The following MYO9A variants were observed in gnomAD, a reference collection of about 807,000 sequenced individuals.
MYO9A encodes unconventional myosin-IXa.
In MYO9A, 103 loss-of-function variants were observed where a neutral mutation model predicts 293.3. The observed-to-expected ratio is 0.35, with a 90% CI of 0.30 to 0.41. The LOEUF is 0.41. MYO9A is among the 10% of genes least tolerant of loss of function. The pLI, the probability that MYO9A is intolerant of heterozygous loss-of-function variation, is 1.00. For missense variants in MYO9A, 2,685 were observed against 3,033.0 expected (o/e 0.89, Z 2.69); for synonymous variants, 1,001 against 1,035.7 (o/e 0.97, Z 0.64).
At position 71,878,153 on chromosome 15, in the gene MYO9A, C is replaced by G. The variant is rs780738310; in HGVS notation, c.5818G>C (p.Glu1940Gln). The change falls in exon 31 of 42, where the codon GAG becomes CAG. Residue 1940 changes from glutamate (E) to glutamine (Q), a missense_variant. By Grantham distance (29) the Glu-to-Gln change is conservative. Transcript: ENST00000356056. ...GATTCACCCAGTGAATCACGCTGCT[C>G]AAGCCTCATCGTCTTTTCCAGAATC... Reference protein sequence around the residue: ...EQILEKTMRLEQRDSLGESPV... With the variant: ...EQILEKTMRLQQRDSLGESPV... 3 of 1,612,950 alleles carry G rather than the reference C, an allele frequency of 1.9e-6. No homozygotes were observed. Among genetic ancestry groups the G allele is most frequent in the South Asian group, 2.2e-5 (2 of 90,854 alleles).
At chr15:71,856,702 T>TA (rs972623476) in intron 34 of MYO9A, among the ~76,000 whole-genome samples, 21 of 152,346 alleles carry the variant, frequency 1.4e-4, no homozygotes, top group African/African-American at 5.0e-4. Context: ...TCTTAATCCT[T>TA]AGAGTATTAA....
chr15:71,973,075 T>C (rs1013716289), intron 12 of MYO9A, among the ~76,000 whole-genome samples: 5 of 152,232 alleles, frequency 3.3e-5, no homozygotes, highest in Admixed American at 3.3e-4. Context: ...TCCTTGAAGC[T>C]GGATAAACCT....
At chr15:72,092,466 A>G (rs1484685210) in intron 1 of MYO9A, among the ~76,000 whole-genome samples, 1 of 151,952 alleles carries the variant, frequency 6.6e-6, no homozygotes, top group African/African-American at 2.4e-5. Context: ...AGTCCCAGCT[A>G]CTCCGGAGGC....
At position 71,823,709 on chromosome 15, in the gene MYO9A, A is replaced by G. The variant is rs1400666765; in HGVS notation, c.*2871T>C. On this transcript the variant is annotated 3_prime_UTR_variant, in exon 42 of 42. Coordinates refer to ENST00000356056, the MANE Select transcript of MYO9A (RefSeq NM_006901.4). ...TAAATTACAGGGATACATTCACTTTAATGGGCAGAGTTGAAAATTCAGGTT... is the reference window on the plus strand; with the variant it reads ...TAAATTACAGGGATACATTCACTTTGATGGGCAGAGTTGAAAATTCAGGTT... 1.3e-5 allele frequency: 2 copies of G among 152,234 alleles called. No homozygotes were observed. Among genetic ancestry groups the G allele is most frequent in the Non-Finnish European group, 2.9e-5 (2 of 68,042 alleles). 9.4% of individuals were successfully genotyped at this position (152,234 alleles called of 1,614,324 possible).
At chr15:71,854,253 AC>A in intron 35 of MYO9A, 123 bp downstream of exon 35, 1 of 789,968 alleles carries the variant, frequency 1.3e-6, no homozygotes, top group South Asian at 3.9e-5. Context: ...ACAAAGCATC[AC>A]AGAAAAGAAT....
intron 27 of MYO9A, among the ~76,000 whole-genome samples, chr15:71,886,553 T>A (rs561364678): frequency 1.9e-4 from 29 of 152,276 alleles, no homozygotes; most frequent in African/African-American, 7.0e-4. Context: ...ACTTTCCAGA[T>A]AATAAATTTC....
intron 39 of MYO9A, among the ~76,000 whole-genome samples, chr15:71,830,923 A>G (rs977961895): frequency 2.0e-5 from 3 of 151,516 alleles, no homozygotes; most frequent in Non-Finnish European, 4.4e-5. Flanking sequence ...TTTTCTTAGG[A>G]AACTTCTATC....
rs545659608 is a variant in MYO9A at position 72,091,783 on chromosome 15, G to C, written c.-72+25897C>G. On this transcript the variant is annotated intron_variant, in intron 1 of 41. Transcript: ENST00000356056. ...GGATGGAGTGCAGTGGCGCGATCTCGGCTCACTGCAAGCTCCGCCTCCCAG... is the reference window on the plus strand; with the variant it reads ...GGATGGAGTGCAGTGGCGCGATCTCCGCTCACTGCAAGCTCCGCCTCCCAG... 1.3e-4 allele frequency among the ~76,000 whole-genome samples: 19 copies of C among 150,972 alleles called. 1 individual carries two copies. The East Asian group carries it at 3.3e-3, about 26-fold the overall frequency.
At chr15:71,928,026 TAATATATATATA>T (rs2058360041) in intron 18 of MYO9A, among the ~76,000 whole-genome samples, 1 of 31,464 alleles carries the variant, frequency 3.2e-5, no homozygotes, top group Non-Finnish European at 9.5e-5. Context: ...AATACCTTTC[TAATATATATATA>T]TATATATATA....
At chr15:71,978,374 C>CCTG in intron 11 of MYO9A, 82 bp from the exon 12 acceptor site, 1 of 1,164,400 alleles carries the variant, frequency 8.6e-7, no homozygotes, top group Non-Finnish European at 1.2e-6. Context: ...AGCTTTTACC[C>CCTG]TGCTTAAAAT....
chr15:71,902,089 T>C (rs2057502602), intron 22 of MYO9A, among the ~76,000 whole-genome samples: 1 of 152,096 alleles, frequency 6.6e-6, no homozygotes, highest in Admixed American at 6.5e-5. Context: ...AGATATTATA[T>C]ACCCGAAGAG....
chr15:72,070,665 G>A lies in MYO9A; in HGVS notation c.-71-24031C>T, dbSNP rs1412600366. On this transcript the variant is annotated intron_variant, in intron 1 of 41. Coordinates refer to ENST00000356056, the MANE Select transcript of MYO9A (RefSeq NM_006901.4). ...AAACCGCGCCACTGCACTCCAGCTG[G>A]GCAACAAAGTAAGATTCCATCTCAA... Among the ~76,000 whole-genome samples the A allele has an allele frequency of 2.6e-5, 4 of 151,966 alleles. No homozygotes were observed. In the East Asian group the frequency reaches 7.7e-4, roughly 29 times the overall value.
chr15:71,974,270 T>C (rs1377935765), intron 12 of MYO9A, among the ~76,000 whole-genome samples: 1 of 152,126 alleles, frequency 6.6e-6, no homozygotes, highest in Non-Finnish European at 1.5e-5. Context: ...GGATGGGCAA[T>C]TAAAACACTG....
chr15:72,080,040 G>C (rs956362436), intron 1 of MYO9A, among the ~76,000 whole-genome samples: 3 of 152,182 alleles, frequency 2.0e-5, no homozygotes, highest in Admixed American at 6.5e-5. Context: ...TAGTTTGTCT[G>C]TAATGCCATC....
intron 19 of MYO9A, among the ~76,000 whole-genome samples, chr15:71,914,631 T>C (rs906661689): frequency 6.6e-6 from 1 of 152,346 alleles, no homozygotes; most frequent in African/African-American, 2.4e-5. Context: ...ACATTGGTCA[T>C]TATCTATGGA....
chr15:72,008,939 C>G (rs2077095884), intron 7 of MYO9A, among the ~76,000 whole-genome samples: 1 of 152,050 alleles, frequency 6.6e-6, no homozygotes, highest in Non-Finnish European at 1.5e-5. Flanking sequence ...AAAGATATTG[C>G]TTTAGGAACC....
chr15:72,031,849 TG>T (rs1469029079), intron 3 of MYO9A, among the ~76,000 whole-genome samples: 1 of 152,030 alleles, frequency 6.6e-6, no homozygotes, highest in African/African-American at 2.4e-5. Context: ...TATAATAATA[TG>T]GTTATATAGG....
chr15:71,940,201 A>G (rs372599499), intron 15 of MYO9A, among the ~76,000 whole-genome samples: 3 of 152,352 alleles, frequency 2.0e-5, no homozygotes, highest in African/African-American at 7.2e-5. Flanking sequence ...TGCTGTTTAA[A>G]TCATGCAAAT....
In MYO9A at chr15:72,095,042, T is replaced by A. The variant is rs2080027898; in HGVS notation, c.-72+22638A>T. 2.2e-5 allele frequency among the ~76,000 whole-genome samples: 2 copies of A among 91,938 alleles called. 1 individual carries two copies. Among genetic ancestry groups the A allele is most frequent in the Non-Finnish European group, 6.6e-5 (2 of 30,410 alleles). 60.3% of individuals were successfully genotyped at this position (91,938 alleles called of 152,430 possible). A position where few individuals can be genotyped will look rare whatever the true frequency, so the allele number is the denominator to read the frequency against. On this transcript the variant is annotated intron_variant, in intron 1 of 41. Transcript: ENST00000356056. ...CACACAATATTGAAATTAGGCCAATTAATAACCCTACAATGGCCTCTCAGT... is the reference window on the plus strand; with the variant it reads ...CACACAATATTGAAATTAGGCCAATAAATAACCCTACAATGGCCTCTCAGT...
Sources: allele counts gnomAD v4.1 joint callset (sites outside exome capture counted in the v4.1 genomes callset), GRCh38; gene constraint gnomAD v4.1.1; transcripts MANE v1.5; gene names NCBI Gene and HGNC (gene_info 2026-07-23, HGNC 2026-07-21).